The following RBFOX1 variants were observed in gnomAD, a reference collection of about 807,000 sequenced individuals.
The protein encoded by RBFOX1 is RNA binding protein fox-1 homolog 1.
RBFOX1 carries 8 observed loss-of-function variants against 57.7 expected under a neutral mutation model. The ratio of observed to expected loss-of-function variants is 0.14; its 90% CI spans 0.08 to 0.25. RBFOX1 has a LOEUF of 0.25. Among genes scored for constraint, RBFOX1 ranks in the 10% least tolerant of loss-of-function variants. The pLI, the probability that RBFOX1 is intolerant of heterozygous loss-of-function variation, is 1.00. For synonymous variants in RBFOX1, 326 were observed against 222.4 expected, an observed-to-expected ratio of 1.47 and a Z score of -4.15; for missense variants, 611 against 548.5, an observed-to-expected ratio of 1.11 and a Z score of -1.14.
intron 2 of RBFOX1, among the ~76,000 whole-genome samples, chr16:5,524,771 C>T (rs2044173482): frequency 6.6e-6 from 1 of 151,990 alleles, no homozygotes; most frequent in African/African-American, 2.4e-5. Flanking sequence ...GAACTCCTGA[C>T]CTCAAGTAAT....
At chr16:5,625,079 G>T (rs1567313864) in intron 3 of RBFOX1, among the ~76,000 whole-genome samples, 1 of 152,146 alleles carries the variant, frequency 6.6e-6, no homozygotes, top group Admixed American at 6.5e-5. Context: ...CAGGGACATT[G>T]CACAGAATGC....
chr16:5,550,111 A>G (rs1483731501), intron 2 of RBFOX1, among the ~76,000 whole-genome samples: 1 of 152,232 alleles, frequency 6.6e-6, no homozygotes, highest in African/African-American at 2.4e-5. Context: ...TATATCAGTT[A>G]CACTGGAACA....
At chr16:7,055,280 T>C (rs963573887) in intron 4 of RBFOX1, among the ~76,000 whole-genome samples, 5 of 152,146 alleles carry the variant, frequency 3.3e-5, no homozygotes, top group African/African-American at 1.2e-4. Context: ...ACTCTTGAGA[T>C]CATATCAGTA....
chr16:6,246,162 G>A (rs1945827441), intron 1 of RBFOX1, among the ~76,000 whole-genome samples: 1 of 152,148 alleles, frequency 6.6e-6, no homozygotes, highest in Non-Finnish European at 1.5e-5. Flanking sequence ...TCATCATGGT[G>A]GCTCACAGAA....
intron 1 of RBFOX1, among the ~76,000 whole-genome samples, chr16:5,347,587 C>T (rs184614902): frequency 2.0e-5 from 3 of 151,926 alleles, no homozygotes; most frequent in East Asian, 3.9e-4. Context: ...TGTCCGTCTA[C>T]CCACCCATCC....
intron 2 of RBFOX1, among the ~76,000 whole-genome samples, chr16:5,564,735 A>G (rs1165138706): frequency 6.6e-6 from 1 of 152,076 alleles, no homozygotes; most frequent in Non-Finnish European, 1.5e-5. Context: ...TTTGAACAGT[A>G]TTTATTGAGT....
intron 4 of RBFOX1, among the ~76,000 whole-genome samples, chr16:7,345,813 T>C (rs1452876347): frequency 2.0e-5 from 3 of 152,220 alleles, no homozygotes; most frequent in Non-Finnish European, 4.4e-5. Context: ...TTTTCTTTTT[T>C]TAATTTTAAT....
chr16:5,331,354 A>G (rs970566376), intron 1 of RBFOX1, among the ~76,000 whole-genome samples: 4 of 152,182 alleles, frequency 2.6e-5, no homozygotes, highest in African/African-American at 9.7e-5. Flanking sequence ...CTTCATAATT[A>G]CTATGTTCTC....
chr16:6,850,869 T>G (rs1346436115), intron 3 of RBFOX1, among the ~76,000 whole-genome samples: 1 of 152,212 alleles, frequency 6.6e-6, no homozygotes, highest in African/African-American at 2.4e-5. Flanking sequence ...AATTGCACAC[T>G]TGGGCATTTA....
intron 2 of RBFOX1, among the ~76,000 whole-genome samples, chr16:6,418,519 A>ATT (rs567448072): frequency 0.062 from 6,239 of 100,836 alleles, 889 homozygotes; most frequent in African/African-American, 0.2. Context: ...TGCAAGCCTT[A>ATT]TTTTTTTTTT....
Position 7,537,511 on chromosome 16 carries a change from T to G in RBFOX1, c.270+19122T>G, listed in dbSNP as rs1024696. On this transcript the variant is annotated intron_variant, in intron 5 of 15. Coordinates refer to ENST00000550418, the MANE Select transcript of RBFOX1 (RefSeq NM_018723.4). The stretch of plus-strand genomic sequence containing the variant: ...ATATGTCTGACTCTAGACCTACACT[T>G]ATAACCACAACTTCACACTCTTTTT... Among the ~76,000 whole-genome samples the G allele has an allele frequency of 3.9e-5, 6 of 152,080 alleles. No homozygotes were observed. The South Asian group carries it at 1.0e-3, about 26-fold the overall frequency.
At chr16:6,396,157 A>G (rs1292939312) in intron 2 of RBFOX1, among the ~76,000 whole-genome samples, 1 of 151,976 alleles carries the variant, frequency 6.6e-6, no homozygotes, top group Admixed American at 6.6e-5. Context: ...TATCATAGAT[A>G]GCAATTATAA....
chr16:6,941,350 C>A (rs1358734597), intron 3 of RBFOX1, among the ~76,000 whole-genome samples: 1 of 139,618 alleles, frequency 7.2e-6, no homozygotes, highest in Non-Finnish European at 1.6e-5. Flanking sequence ...TTCCTTCCTT[C>A]CTTCCTTCTC....
intron 2 of RBFOX1, among the ~76,000 whole-genome samples, chr16:5,474,729 C>T (rs1288695323): frequency 6.6e-6 from 1 of 151,778 alleles, no homozygotes; most frequent in Admixed American, 6.6e-5. Context: ...ATTTTATAAG[C>T]ATGGGGTAGC....
intron 1 of RBFOX1, among the ~76,000 whole-genome samples, chr16:5,461,122 G>C (rs568707613): frequency 2.0e-5 from 3 of 152,158 alleles, no homozygotes; most frequent in Non-Finnish European, 4.4e-5. Context: ...TTGCAGACTG[G>C]AGAGGAAAAC....
At chr16:5,419,732 A>C (rs2024083) in intron 1 of RBFOX1, among the ~76,000 whole-genome samples, 65,585 of 151,688 alleles carry the variant, frequency 0.43, 16,844 homozygotes, top group East Asian at 0.63. Context: ...AACACAAAAG[A>C]CCTGAAAGGC....
intron 4 of RBFOX1, among the ~76,000 whole-genome samples, chr16:5,971,957 C>T (rs892899326): frequency 1.3e-5 from 2 of 152,214 alleles, no homozygotes; most frequent in African/African-American, 4.8e-5. Context: ...CTGAGCTCCC[C>T]TGCATCAGAG....
chr16:5,836,779 A>G (rs1010218594), intron 3 of RBFOX1, among the ~76,000 whole-genome samples: 2 of 152,176 alleles, frequency 1.3e-5, no homozygotes, highest in East Asian at 1.9e-4. Context: ...GACAACTACA[A>G]ATGTCTCCTG....
At chr16:6,888,484 A>C (rs114299514) in intron 3 of RBFOX1, among the ~76,000 whole-genome samples, 4 of 152,098 alleles carry the variant, frequency 2.6e-5, no homozygotes, top group African/African-American at 9.7e-5. Flanking sequence ...TTCAGGGGGA[A>C]ATTAAATTCC....
Sources: gnomAD v4.1 joint callset for allele counts (sites outside exome capture counted in the v4.1 genomes callset) on GRCh38, gnomAD v4.1.1 for gene constraint, MANE v1.5 for transcripts, NCBI Gene and HGNC (gene_info 2026-07-23, HGNC 2026-07-21) for gene names.